AXIN1: variants seen among roughly 807,000 people sequenced by gnomAD.
AXIN1 encodes axin 1, also known as axin-1.
A neutral mutation model predicts 76.4 loss-of-function variants in AXIN1; 30 were observed. The ratio of observed to expected loss-of-function variants is 0.39; its 90% CI spans 0.29 to 0.53. AXIN1 has a LOEUF of 0.53. Ranked by LOEUF, AXIN1 falls within the 20% of genes least tolerant of loss-of-function variation. The pLI is 0.66. For missense variants in AXIN1, 1,140 were observed against 1,198.8 expected (o/e 0.95, Z 0.72); for synonymous variants, 545 against 501.4 (o/e 1.09, Z -1.16).
Position 288,263 on chromosome 16 carries a change from T to TGAG in AXIN1, c.2463-18_2463-16dup, listed in dbSNP as rs756614150. 7.4e-6 allele frequency: 12 copies of TGAG among 1,612,942 alleles called. No individual in the cohort carries two copies. Among genetic ancestry groups the TGAG allele is most frequent in the Middle Eastern group, 1.6e-4 (1 of 6,080 alleles). ...TGAAGTAGTATCTGCAGGACGGAGG[T>TGAG]GAGGAGGGCAGTGAGCAGGCAGCAC... is the stretch of plus-strand genomic sequence containing the variant. On this transcript the variant is annotated splice_polypyrimidine_tract_variant and intron_variant, in intron 10 of 10. Transcript: ENST00000262320.
At chr16:292,707 G>A (rs1485794475) in intron 8 of AXIN1, 1 of 152,278 alleles carries the variant, frequency 6.6e-6, no homozygotes, top group East Asian at 1.9e-4. Context: ...AATGACCCAG[G>A]ATGGCCGAGA....
At chr16:295,773 C>CA (rs996669026) in intron 7 of AXIN1, among the ~76,000 whole-genome samples, 2 of 151,662 alleles carry the variant, frequency 1.3e-5, no homozygotes, top group African/African-American at 4.8e-5. Context: ...ATCAGCCTAA[C>CA]ATGGCAACCA....
intron 2 of AXIN1, among the ~76,000 whole-genome samples, chr16:320,430 A>T (rs2053413019): frequency 6.6e-6 from 1 of 152,176 alleles, no homozygotes; most frequent in Non-Finnish European, 1.5e-5. Flanking sequence ...CAACACCAAT[A>T]ATGCAACATA....
At chr16:299,024 C>T (rs2052795931) in intron 5 of AXIN1, 1 of 964,240 alleles carries the variant, frequency 1.0e-6, no homozygotes, top group African/African-American at 1.8e-5. Flanking sequence ...ACCTCGGCCT[C>T]CCAAAGTGTT....
intron 4 of AXIN1, 54 bp from the exon 5 acceptor site, chr16:304,495 T>C: frequency 6.2e-7 from 1 of 1,610,342 alleles, no homozygotes; most frequent in Non-Finnish European, 8.5e-7. Context: ...AGGCTAAACA[T>C]TTCTTTGTGA....
At position 340,046 on chromosome 16, in the gene AXIN1, TTC is replaced by T. The variant is rs1205398260; in HGVS notation, c.878+6100_878+6101del. The stretch of plus-strand genomic sequence containing the variant: ...CCCTTTCTTTTTCTTCTTCTTCTTC[TTC>T]TTTTTTTTTTTAACCATTTCTTCTC... On this transcript the variant is annotated intron_variant, in intron 2 of 10. Transcript: ENST00000262320. Among the ~76,000 whole-genome samples, 19 of 148,754 alleles carry T rather than the reference TTC, an allele frequency of 1.3e-4. No homozygotes were observed. In the East Asian group the frequency reaches 1.5e-3, roughly 12 times the overall value.
intron 5 of AXIN1, among the ~76,000 whole-genome samples, chr16:300,186 C>T (rs2141526898): frequency 1.3e-5 from 2 of 152,164 alleles, no homozygotes; most frequent in South Asian, 4.1e-4. Flanking sequence ...AGGTGATCCA[C>T]CCACCTTGGC....
chr16:347,189 C>G, intron 1 of AXIN1, 83 bp from the exon 2 acceptor site: 3 of 1,184,508 alleles, frequency 2.5e-6, no homozygotes, highest in Non-Finnish European at 3.6e-6. Context: ...ACAAGACTCA[C>G]GATGACGCCC....
At position 347,036 on chromosome 16, in the gene AXIN1, T is replaced by G; in HGVS notation, c.-11A>C. The G allele has an allele frequency of 6.2e-7, 1 of 1,614,070 alleles. No homozygotes were observed. The highest frequency in any genetic ancestry group is 8.5e-7 in the Non-Finnish European group (1 of 1,180,044). On this transcript the variant is annotated 5_prime_UTR_variant, in exon 2 of 11. Coordinates refer to ENST00000262320, the MANE Select transcript of AXIN1 (RefSeq NM_003502.4). Reference sequence around the variant, plus strand: ...CTCTTGGATATTCATTTTGGGACTCTGCGTCAAGGAACAATGAGCGCTGCA... The same window carrying G: ...CTCTTGGATATTCATTTTGGGACTCGGCGTCAAGGAACAATGAGCGCTGCA...
intron 2 of AXIN1, among the ~76,000 whole-genome samples, chr16:336,981 C>G (rs910005325): frequency 1.3e-5 from 2 of 151,380 alleles, no homozygotes; most frequent in Non-Finnish European, 2.9e-5. Context: ...AACCCCGTCT[C>G]TACTAAAAAC....
chr16:291,567 T>C, intron 8 of AXIN1: 1 of 532,772 alleles, frequency 1.9e-6, no homozygotes, highest in South Asian at 2.0e-5. Flanking sequence ...GAGCTTCCGA[T>C]CAGGGGTGCT....
At chr16:351,018 C>A (rs771843534) in intron 1 of AXIN1, among the ~76,000 whole-genome samples, 17 of 151,900 alleles carry the variant, frequency 1.1e-4, no homozygotes, top group Non-Finnish European at 2.2e-4. Context: ...ATAATCCCAG[C>A]TACTTGGGAA....
chr16:289,296 G>A lies in AXIN1; in HGVS notation c.2462+144C>T, dbSNP rs954436708. ...GCCCAGGCTGGTCTCGAACTGCTGAGCTGAGGCAATCCGCCCACCTCAGCC... is the reference window on the plus strand; with the variant it reads ...GCCCAGGCTGGTCTCGAACTGCTGAACTGAGGCAATCCGCCCACCTCAGCC... On this transcript the variant is annotated intron_variant, in intron 10 of 10. Coordinates refer to ENST00000262320, the MANE Select transcript of AXIN1 (RefSeq NM_003502.4). 2.4e-5 allele frequency: 25 copies of A among 1,040,562 alleles called. No homozygotes were observed. In the Middle Eastern group the frequency reaches 1.5e-3, roughly 64 times the overall value. 64.5% of individuals were successfully genotyped at this position (1,040,562 alleles called of 1,614,324 possible). A position where few individuals can be genotyped will look rare whatever the true frequency, so the allele number is the denominator to read the frequency against.
chr16:287,828 G>GA lies in AXIN1; in HGVS notation c.*293_*294insT. The stretch of plus-strand genomic sequence containing the variant: ...GTGCCCAAGGGAGGTGCCGGGGGAT[G>GA]GGGGGGGGTCACCTGAAGCTGGCAG... On this transcript the variant is annotated 3_prime_UTR_variant, in exon 11 of 11. Coordinates refer to ENST00000262320, the MANE Select transcript of AXIN1 (RefSeq NM_003502.4). 2.7e-6 allele frequency: 1 copy of GA among 375,236 alleles called. No individual in the cohort carries two copies. The highest frequency in any genetic ancestry group is 4.8e-6 in the Non-Finnish European group (1 of 209,240). The allele number at this position is 375,236 out of a possible 1,614,324, so 23.2% of individuals were successfully genotyped here.
intron 2 of AXIN1, among the ~76,000 whole-genome samples, chr16:319,626 T>C (rs1597060250): frequency 6.6e-6 from 1 of 152,128 alleles, no homozygotes; most frequent in Non-Finnish European, 1.5e-5. Context: ...TCATGGATGG[T>C]GGAGAAAGGT....
At chr16:292,360 T>G (rs1327864661) in intron 8 of AXIN1, 3 of 152,292 alleles carry the variant, frequency 2.0e-5, no homozygotes, top group Admixed American at 2.0e-4. Flanking sequence ...TGTGACCCTT[T>G]CTGGCCCCAG....
At chr16:295,299 G>T (rs1361979391) in intron 7 of AXIN1, among the ~76,000 whole-genome samples, 7 of 151,670 alleles carry the variant, frequency 4.6e-5, no homozygotes, top group African/African-American at 1.7e-4. Context: ...AGTAGAGATG[G>T]AGTTTTTGTC....
intron 10 of AXIN1, among the ~76,000 whole-genome samples, chr16:289,082 CTT>C (rs1036143075): frequency 1.9e-5 from 2 of 104,596 alleles, no homozygotes; most frequent in African/African-American, 3.8e-5. Context: ...CCTTTTTCTT[CTT>C]TTTTTTTTTT....
At chr16:303,355 C>T (rs981994809) in intron 5 of AXIN1, among the ~76,000 whole-genome samples, 2 of 151,870 alleles carry the variant, frequency 1.3e-5, no homozygotes, top group Non-Finnish European at 2.9e-5. Context: ...GGGAAGCACA[C>T]TAGCAGAACT....
Sources: gnomAD v4.1 joint callset for allele counts (sites outside exome capture counted in the v4.1 genomes callset) on GRCh38, gnomAD v4.1.1 for gene constraint, MANE v1.5 for transcripts, NCBI Gene and HGNC (gene_info 2026-07-23, HGNC 2026-07-21) for gene names.